Variants in NRXN1 observed in about 807,000 individuals in gnomAD.
NRXN1 encodes neurexin 1.
Under a neutral mutation model 150.9 loss-of-function variants are expected in NRXN1, and 39 were observed. The ratio of observed to expected loss-of-function variants is 0.26; its 90% confidence interval spans 0.20 to 0.34. The LOEUF (loss-of-function observed/expected upper bound fraction) is 0.34, where lower values mean the gene tolerates loss of function less well. NRXN1 is among the 10% of genes least tolerant of loss of function. The pLI is 1.00. For missense variants in NRXN1, 1,815 were observed against 1,949.9 expected (o/e 0.93, Z 1.30); for synonymous variants, 924 against 757.0 (o/e 1.22, Z -3.62).
At chr2:50,361,686 A>C (rs928021184) in intron 17 of NRXN1, among the ~76,000 whole-genome samples, 3 of 152,194 alleles carry the variant, frequency 2.0e-5, no homozygotes, top group Non-Finnish European at 2.9e-5. Flanking sequence ...AGGAGCTGGT[A>C]CCATTCCTTC....
chr2:50,319,409 A>T (rs913162005), intron 17 of NRXN1, among the ~76,000 whole-genome samples: 1 of 152,110 alleles, frequency 6.6e-6, no homozygotes, highest in African/African-American at 2.4e-5. Flanking sequence ...AAGCTCCTTT[A>T]TCTCCAAAAT....
intron 8 of NRXN1, among the ~76,000 whole-genome samples, chr2:50,577,789 A>C (rs1671661211): frequency 6.6e-6 from 1 of 152,046 alleles, no homozygotes; most frequent in African/African-American, 2.4e-5. Context: ...AAGTCATAGC[A>C]ATCCAGAATA....
At chr2:50,131,749 G>C (rs887950180) in intron 18 of NRXN1, among the ~76,000 whole-genome samples, 2 of 152,136 alleles carry the variant, frequency 1.3e-5, no homozygotes, top group Non-Finnish European at 2.9e-5. Context: ...AATCCTGCCT[G>C]TCAGGAATAA....
Position 49,921,010 on chromosome 2 carries a change from A to G in NRXN1, c.*934T>C, listed in dbSNP as rs1195410510. On this transcript the variant is annotated 3_prime_UTR_variant, in exon 23 of 23. Transcript: ENST00000401669. ...GCAATTTATAATGGTGGCAAAAAAA[A>G]AGAAAAACCCAACTGAAATAATTGT... 6.6e-6 allele frequency: 1 copy of G among 152,570 alleles called. No homozygotes were observed. The highest frequency in any genetic ancestry group is 1.5e-5 in the Non-Finnish European group (1 of 68,032). The allele number at this position is 152,570 out of a possible 1,614,324, so 9.5% of individuals were successfully genotyped here.
At chr2:51,026,309 ACT>A (rs569876397) in intron 2 of NRXN1, 6 of 1,079,546 alleles carry the variant, frequency 5.6e-6, no homozygotes, top group Non-Finnish European at 8.4e-6. Context: ...TAAGCTATCT[ACT>A]TTAAATCCTG....
chr2:49,943,890 A>G, intron 21 of NRXN1, 99 bp from the exon 22 acceptor site: 1 of 885,428 alleles, frequency 1.1e-6, no homozygotes, highest in South Asian at 1.4e-5. Context: ...GTTTATCAAG[A>G]AACCAAATTC....
At position 51,027,660 on chromosome 2, in the gene NRXN1, T is replaced by A; in HGVS notation, c.614A>T (p.Asp205Val). ...CCCGCCGCTGTTGGGCGGCTCATCG[T>A]CCAGCTTCACCTCGCCGCTGTCCAC... ...LPVDSGEVKL[D>V]DEPPNSGGGS... The change falls in exon 2 of 23, where the codon GAC becomes GTC. Residue 205 changes from aspartate (D) to valine (V), a missense_variant. Asp to Val is a radical substitution (Grantham distance 152). Coordinates refer to ENST00000401669, the MANE Select transcript of NRXN1 (RefSeq NM_001330078.2). The A allele has an allele frequency of 6.2e-7, 1 of 1,602,226 alleles. No individual in the cohort carries two copies. Among genetic ancestry groups the A allele is most frequent in the East Asian group, 2.3e-5 (1 of 44,082 alleles).
At position 50,859,465 on chromosome 2, in the gene NRXN1, A is replaced by T. The variant is rs368394135; in HGVS notation, c.832+62404T>A. On this transcript the variant is annotated intron_variant, in intron 5 of 22. Coordinates refer to ENST00000401669, the MANE Select transcript of NRXN1 (RefSeq NM_001330078.2). ...AAGTAAGGAATTCTGCAAACATATA[A>T]GACAAAATCAGAATGAAATGATTAT... Among the ~76,000 whole-genome samples, 9 of 152,230 alleles carry T rather than the reference A, an allele frequency of 5.9e-5. 1 individual carries two copies. Among genetic ancestry groups the T allele is most frequent in the African/African-American group, 2.2e-4 (9 of 41,566 alleles).
At chr2:50,871,201 T>A (rs995902134) in intron 5 of NRXN1, among the ~76,000 whole-genome samples, 12 of 151,918 alleles carry the variant, frequency 7.9e-5, no homozygotes, top group African/African-American at 2.9e-4. Flanking sequence ...ATTTTCAGTT[T>A]ATCTTTACTG....
At chr2:50,903,495 G>T (rs1165361147) in intron 5 of NRXN1, among the ~76,000 whole-genome samples, 2 of 152,112 alleles carry the variant, frequency 1.3e-5, no homozygotes, top group East Asian at 3.9e-4. Context: ...TCTGGGGGAG[G>T]TGTTTTTTTG....
chr2:50,200,469 AT>A (rs919949581), intron 18 of NRXN1, among the ~76,000 whole-genome samples: 2 of 152,096 alleles, frequency 1.3e-5, no homozygotes, highest in African/African-American at 2.4e-5. Flanking sequence ...TGAGTTGGAA[AT>A]TTTTTTAACA....
At chr2:50,110,471 G>A (rs1370082224) in intron 18 of NRXN1, among the ~76,000 whole-genome samples, 37 of 129,348 alleles carry the variant, frequency 2.9e-4, no homozygotes, top group Admixed American at 2.3e-3. Context: ...CAGCCTGGGC[G>A]ACAGAGTGAG....
intron 8 of NRXN1, among the ~76,000 whole-genome samples, chr2:50,601,783 G>T (rs367993371): frequency 3.9e-5 from 6 of 152,258 alleles, no homozygotes; most frequent in Admixed American, 6.5e-5. Context: ...ATACACTGGA[G>T]TACATTTAAA....
At chr2:50,942,906 G>A (rs1397928166) in intron 2 of NRXN1, among the ~76,000 whole-genome samples, 1 of 152,158 alleles carries the variant, frequency 6.6e-6, no homozygotes, top group Non-Finnish European at 1.5e-5. Context: ...CGCCAGGGAT[G>A]GAATAACATG....
At chr2:50,511,872 C>A (rs915229107) in intron 12 of NRXN1, among the ~76,000 whole-genome samples, 1 of 152,092 alleles carries the variant, frequency 6.6e-6, no homozygotes, top group Non-Finnish European at 1.5e-5. Context: ...TCCATTTTCA[C>A]ATCAACATGA....
intron 5 of NRXN1, among the ~76,000 whole-genome samples, chr2:50,865,615 T>TGTGTGTGTG (rs1559368400): frequency 1.4e-5 from 2 of 138,382 alleles, no homozygotes; most frequent in East Asian, 2.2e-4. Context: ...TGTGTGTGTG[T>TGTGTGTGTG]AGTAGCACCT....
intron 8 of NRXN1, among the ~76,000 whole-genome samples, chr2:50,593,841 G>T (rs1168394006): frequency 6.6e-6 from 1 of 152,042 alleles, no homozygotes; most frequent in Non-Finnish European, 1.5e-5. Context: ...AAATGTTAAA[G>T]AAAAGTAACT....
intron 17 of NRXN1, among the ~76,000 whole-genome samples, chr2:50,373,289 TA>T (rs1422586624): frequency 1.0e-5 from 1 of 99,522 alleles, no homozygotes; most frequent in Non-Finnish European, 1.8e-5. Flanking sequence ...TATTTTATTT[TA>T]TTTTTTATTA....
At chr2:50,646,075 T>A (rs1256113594) in intron 5 of NRXN1, among the ~76,000 whole-genome samples, 1 of 151,888 alleles carries the variant, frequency 6.6e-6, no homozygotes, top group Non-Finnish European at 1.5e-5. Flanking sequence ...CAGGGAACAT[T>A]CCAGGCATCC....
Sources: allele counts gnomAD v4.1 joint callset (sites outside exome capture counted in the v4.1 genomes callset), GRCh38; gene constraint gnomAD v4.1.1; transcripts MANE v1.5; gene names NCBI Gene and HGNC (gene_info 2026-07-23, HGNC 2026-07-21).